EP300: variants seen among roughly 807,000 people sequenced by gnomAD.
The protein encoded by EP300 is EP300 lysine acetyltransferase, also known as histone acetyltransferase p300.
In EP300, 31 loss-of-function variants were observed where a neutral mutation model predicts 264.0. That is an observed-to-expected ratio of 0.12 (90% confidence interval 0.09 to 0.16). EP300 has a LOEUF of 0.16. Ranked by LOEUF, EP300 falls within the 10% of genes least tolerant of loss-of-function variation. EP300 has a pLI of 1.00. For missense variants in EP300, 2,766 were observed against 3,052.9 expected (o/e 0.91, Z 2.21); for synonymous variants, 1,340 against 1,045.4 (o/e 1.28, Z -5.44).
intron 10 of EP300, among the ~76,000 whole-genome samples, chr22:41,144,537 A>G (rs1393595661): frequency 2.6e-5 from 4 of 151,716 alleles, no homozygotes; most frequent in Admixed American, 6.6e-5. Flanking sequence ...TTTATTTTTT[A>G]GTAGAAACAG....
intron 2 of EP300, among the ~76,000 whole-genome samples, chr22:41,118,440 T>C (rs1426366932): frequency 6.6e-6 from 1 of 152,250 alleles, no homozygotes; most frequent in Non-Finnish European, 1.5e-5. Context: ...TCACACATAC[T>C]TTAGTGCTTA....
At chr22:41,156,952 A>T (rs927550922) in intron 17 of EP300, among the ~76,000 whole-genome samples, 14 of 152,344 alleles carry the variant, frequency 9.2e-5, no homozygotes, top group Admixed American at 7.2e-4. Flanking sequence ...ATGTCTAGAA[A>T]GTCCATAGTA....
Position 41,099,314 on chromosome 22 carries a change from T to C in EP300, c.94+6216T>C, listed in dbSNP as rs1191224315. On this transcript the variant is annotated intron_variant, in intron 1 of 30. Coordinates refer to ENST00000263253, the MANE Select transcript of EP300 (RefSeq NM_001429.4). Reference sequence around the variant, plus strand: ...TCCCAAAATGTTGGGATTACAGGCATGAGCCACCGCGCCCGGCCTGTTTTT... The same window carrying C: ...TCCCAAAATGTTGGGATTACAGGCACGAGCCACCGCGCCCGGCCTGTTTTT... 3.3e-5 allele frequency among the ~76,000 whole-genome samples: 5 copies of C among 152,098 alleles called. No homozygotes were observed. In the Middle Eastern group the frequency reaches 0.01, roughly 317 times the overall value.
chr22:41,117,924 A>G, intron 2 of EP300, 103 bp downstream of exon 2: 1 of 1,560,420 alleles, frequency 6.4e-7, no homozygotes, highest in Non-Finnish European at 8.7e-7. Context: ...CCACTATTAC[A>G]CGCCAGGAAT....
chr22:41,169,768 G>A (rs1451016296), intron 26 of EP300, 152 bp downstream of exon 26: 3 of 639,974 alleles, frequency 4.7e-6, no homozygotes, highest in Admixed American at 4.9e-5. Context: ...GAGCCCCTTT[G>A]AAGTTAATGT....
chr22:41,101,573 G>A (rs1002308651), intron 1 of EP300, among the ~76,000 whole-genome samples: 7 of 151,538 alleles, frequency 4.6e-5, no homozygotes, highest in Admixed American at 1.3e-4. Context: ...CACCATGCCC[G>A]GCTAATTTTT....
rs911494106 is a variant in EP300 at position 41,177,478 on chromosome 22, C to G, written c.5767C>G (p.Pro1923Ala). 2 of 1,614,200 alleles carry G rather than the reference C, an allele frequency of 1.2e-6. No homozygotes were observed. The highest frequency in any genetic ancestry group is 1.7e-6 in the Non-Finnish European group (2 of 1,180,038). Residue 1923 changes from proline (P) to alanine (A), a missense_variant, in exon 31 of 31, where the codon CCT (proline) becomes GCT (alanine). Pro to Ala is a conservative substitution (Grantham distance 27). Transcript: ENST00000263253. ...TAQPPLPGPP[P>A]AAVEMAMQIQ... ...TCAGCCACCCCTTCCAGGGCCCCCA[C>G]CTGCAGCAGTGGAAATGGCAATGCA... is the stretch of plus-strand genomic sequence containing the variant.
chr22:41,151,883 T>A lies in EP300; in HGVS notation c.2868T>A (p.Ser956=). Residue 956 remains serine, a synonymous_variant, in exon 15 of 31, where the codon TCT becomes TCA. Transcript: ENST00000263253. ...AAGGACAGGTATCAAATCCTCCATC[T>A]ACTAGTAGCACAGAAGTGAATTCTC... is the stretch of plus-strand genomic sequence containing the variant. ...SIEGQVSNPP[S]TSSTEVNSQA... The A allele has an allele frequency of 6.2e-7, 1 of 1,614,092 alleles. No individual in the cohort carries two copies. Among genetic ancestry groups the A allele is most frequent in the Non-Finnish European group, 8.5e-7 (1 of 1,179,982 alleles).
rs71328778 is a variant in EP300 at position 41,167,814 on chromosome 22, G to GGTTTTTTTT, written c.3875-635_3875-634insGTTTTTTTT. On this transcript the variant is annotated intron_variant, in intron 23 of 30. Coordinates refer to ENST00000263253, the MANE Select transcript of EP300 (RefSeq NM_001429.4). ...CATTGTTCTATTTCTGTTTGTTTTTGTTTTTTTTTTTGTTTTTTTTTTTTT... is the reference window on the plus strand; with the variant it reads ...CATTGTTCTATTTCTGTTTGTTTTTGGTTTTTTTTTTTTTTTTTTTGTTTTTTTTTTTTT... Among the ~76,000 whole-genome samples the GGTTTTTTTT allele has an allele frequency of 1.5e-3, 101 of 66,208 alleles. 15 individuals carry two copies. Among genetic ancestry groups the GGTTTTTTTT allele is most frequent in the Admixed American group, 1.9e-3 (7 of 3,732 alleles). The allele number at this position is 66,208 out of a possible 152,430, so 43.4% of individuals were successfully genotyped here.
intron 26 of EP300, 83 bp from the exon 27 acceptor site, chr22:41,170,323 C>CA: frequency 7.5e-7 from 1 of 1,341,288 alleles, no homozygotes; most frequent in Non-Finnish European, 1.1e-6. Context: ...GTATCTATAT[C>CA]AACTCCAACT....
Position 41,095,368 on chromosome 22 carries a change from A to ACTAC in EP300, c.94+2271_94+2274dup, listed in dbSNP as rs540387961. Among the ~76,000 whole-genome samples the ACTAC allele has an allele frequency of 7.9e-4, 119 of 150,124 alleles. 1 individual carries two copies. The highest frequency in any genetic ancestry group is 1.5e-3 in the Non-Finnish European group (103 of 67,854). ...TGTCTCAGCCTCCCTAGTAGCTAGG[A>ACTAC]CTACAGGCGCAGACCACCACGCCTG... On this transcript the variant is annotated intron_variant, in intron 1 of 30. Coordinates refer to ENST00000263253, the MANE Select transcript of EP300 (RefSeq NM_001429.4).
rs760423605 is a variant in EP300 at position 41,178,520 on chromosome 22, G to A, written c.6809G>A (p.Gly2270Glu). 8 of 1,613,900 alleles carry A rather than the reference G, an allele frequency of 5.0e-6. No homozygotes were observed. Among genetic ancestry groups the A allele is most frequent in the Non-Finnish European group, 6.8e-6 (8 of 1,179,968 alleles). The change falls in exon 31 of 31, where the codon GGG becomes GAG. Residue 2270 changes from glycine to glutamate, a missense_variant. Physicochemically the swap from Gly to Glu is moderately conservative, Grantham distance 98. Coordinates refer to ENST00000263253, the MANE Select transcript of EP300 (RefSeq NM_001429.4). Reference sequence around the variant, plus strand: ...CAGCGACTCCTTCAGCAACAGATGGGGTCCCCTGTTCAGCCCAACCCCATG... The same window carrying A: ...CAGCGACTCCTTCAGCAACAGATGGAGTCCCCTGTTCAGCCCAACCCCATG... ...YQQRLLQQQM[G>E]SPVQPNPMSP...
At chr22:41,136,645 C>T (rs769273719) in intron 7 of EP300, among the ~76,000 whole-genome samples, 48 of 151,826 alleles carry the variant, frequency 3.2e-4, no homozygotes, top group South Asian at 6.3e-4. Context: ...TGGGTGACAG[C>T]GAGACTGTGT....
At position 41,148,960 on chromosome 22, in the gene EP300, G is replaced by T. The variant is rs1390621713; in HGVS notation, c.2242-78G>T. On this transcript the variant is annotated intron_variant, in intron 12 of 30. Coordinates refer to ENST00000263253, the MANE Select transcript of EP300 (RefSeq NM_001429.4). ...CTCTACTTAATAAGCCTGACGTTAG[G>T]AGCATTTGATGATTTTAGTTATAGT... 4 of 1,598,182 alleles carry T rather than the reference G, an allele frequency of 2.5e-6. No homozygotes were observed. In the African/African-American group the frequency reaches 5.4e-5, roughly 21 times the overall value.
intron 6 of EP300, 47 bp downstream of exon 6, chr22:41,131,680 A>G (rs2058920695): frequency 1.2e-6 from 2 of 1,612,708 alleles, no homozygotes; most frequent in African/African-American, 1.3e-5. Flanking sequence ...GTGTCAGTAA[A>G]TGACATCTAT....
chr22:41,120,642 A>G (rs879805075), intron 2 of EP300, among the ~76,000 whole-genome samples: 1 of 152,186 alleles, frequency 6.6e-6, no homozygotes, highest in African/African-American at 2.4e-5. Context: ...GGTGATTTAT[A>G]GGAAGAAACT....
chr22:41,144,399 TG>T (rs1428333636), intron 10 of EP300, among the ~76,000 whole-genome samples: 4 of 152,280 alleles, frequency 2.6e-5, no homozygotes, highest in Non-Finnish European at 5.9e-5. Flanking sequence ...TCGCCCAGCC[TG>T]GAGTGCAGTG....
chr22:41,178,222 A>T lies in EP300; in HGVS notation c.6511A>T (p.Asn2171Tyr). The T allele has an allele frequency of 6.2e-7, 1 of 1,614,040 alleles. No homozygotes were observed. ...CCCCCAGGCTCAGCAGATGAACATG[A>T]ACCACAACACCATGCCTTCACAATT... ...MSPQAQQMNMNHNTMPSQFRD... is the reference protein window; with the variant it reads ...MSPQAQQMNMYHNTMPSQFRD... Residue 2171 changes from asparagine to tyrosine, a missense_variant, in exon 31 of 31, where the codon AAC becomes TAC. Physicochemically the swap from Asn to Tyr is moderately radical, Grantham distance 143. Transcript: ENST00000263253.
At chr22:41,138,775 CAGG>C (rs1426330806) in intron 8 of EP300, among the ~76,000 whole-genome samples, 3 of 152,156 alleles carry the variant, frequency 2.0e-5, no homozygotes, top group Non-Finnish European at 2.9e-5. Context: ...CAGTTAATAG[CAGG>C]GTCGTCTTTA....
Sources: allele counts gnomAD v4.1 joint callset (sites outside exome capture counted in the v4.1 genomes callset), GRCh38; gene constraint gnomAD v4.1.1; transcripts MANE v1.5; gene names NCBI Gene and HGNC (gene_info 2026-07-23, HGNC 2026-07-21).